The following ERBB4 variants were observed in gnomAD, a reference collection of about 807,000 sequenced individuals.
The protein encoded by ERBB4 is receptor tyrosine-protein kinase erbB-4.
A neutral mutation model predicts 158.0 loss-of-function variants in ERBB4; 42 were observed. The ratio of observed to expected loss-of-function variants is 0.27; its 90% confidence interval spans 0.21 to 0.34. The LOEUF (loss-of-function observed/expected upper bound fraction) is 0.34, where lower values mean the gene tolerates loss of function less well. ERBB4 is among the 10% of genes least tolerant of loss of function. The pLI is 1.00. For synonymous variants in ERBB4, 583 were observed against 558.7 expected (o/e 1.04, Z -0.61); for missense variants, 1,333 against 1,624.1 (o/e 0.82, Z 3.08).
chr2:211,914,267 T>C (rs1430924044), intron 3 of ERBB4, among the ~76,000 whole-genome samples: 1 of 140,122 alleles, frequency 7.1e-6, no homozygotes, highest in Non-Finnish European at 1.5e-5. Flanking sequence ...TTTTTTTTTT[T>C]CAAACAAACA....
chr2:212,115,440 G>A (rs2079543868), intron 2 of ERBB4, among the ~76,000 whole-genome samples: 1 of 152,090 alleles, frequency 6.6e-6, no homozygotes, highest in Non-Finnish European at 1.5e-5. Flanking sequence ...AAAAGGTATT[G>A]ATTATATTCC....
At chr2:211,926,651 T>TAA (rs1195897000) in intron 3 of ERBB4, among the ~76,000 whole-genome samples, 1 of 152,160 alleles carries the variant, frequency 6.6e-6, no homozygotes, top group Non-Finnish European at 1.5e-5. Flanking sequence ...ACCAAACCCC[T>TAA]AAAAATGAAG....
At chr2:211,424,406 C>A in intron 22 of ERBB4, 105 bp from the exon 23 acceptor site, 1 of 729,910 alleles carries the variant, frequency 1.4e-6, no homozygotes, top group Non-Finnish European at 2.3e-6. Context: ...TCAATCCAAA[C>A]ACCAATCAAT....
At chr2:211,639,043 C>T (rs1046990037) in intron 16 of ERBB4, among the ~76,000 whole-genome samples, 2 of 152,094 alleles carry the variant, frequency 1.3e-5, no homozygotes, top group African/African-American at 4.8e-5. Context: ...CGAATTACGC[C>T]AGGAAGAACT....
intron 7 of ERBB4, among the ~76,000 whole-genome samples, chr2:211,716,580 G>A (rs1434487587): frequency 6.6e-6 from 1 of 151,966 alleles, no homozygotes; most frequent in Non-Finnish European, 1.5e-5. Flanking sequence ...GGAGGCTGAG[G>A]CAGGAGAATG....
intron 2 of ERBB4, among the ~76,000 whole-genome samples, chr2:212,049,933 A>C (rs1208358915): frequency 6.6e-6 from 1 of 152,196 alleles, no homozygotes; most frequent in Admixed American, 6.5e-5. Flanking sequence ...CCATCAATAG[A>C]AAATACGTGT....
intron 20 of ERBB4, among the ~76,000 whole-genome samples, chr2:211,524,430 T>G (rs527237111): frequency 0.092 from 13,305 of 145,058 alleles, 1,325 homozygotes; most frequent in African/African-American, 0.2. Context: ...GAGCAGGGGG[T>G]GGTGCTCGTC....
chr2:211,944,179 A>AC lies in ERBB4; in HGVS notation c.421+3250_421+3251insG, dbSNP rs1559154523. On this transcript the variant is annotated intron_variant, in intron 3 of 27. Transcript: ENST00000342788. ...TATATATACACTATATATATATACT[A>AC]TATATATATATATATATATACTATA... is the stretch of plus-strand genomic sequence containing the variant. 1.5e-3 allele frequency among the ~76,000 whole-genome samples: 8 copies of AC among 5,406 alleles called. No homozygotes were observed. The South Asian group carries it at 0.025, about 17-fold the overall frequency. 3.5% of individuals were successfully genotyped at this position (5,406 alleles called of 152,430 possible).
chr2:211,647,797 A>C (rs1385907265), intron 16 of ERBB4, among the ~76,000 whole-genome samples: 1 of 151,750 alleles, frequency 6.6e-6, no homozygotes, highest in Non-Finnish European at 1.5e-5. Context: ...CAAACGATTA[A>C]GTTAGAAGGT....
At chr2:211,604,493 T>C (rs2068911656) in intron 19 of ERBB4, among the ~76,000 whole-genome samples, 1 of 152,166 alleles carries the variant, frequency 6.6e-6, no homozygotes, top group Admixed American at 6.5e-5. Context: ...CCTGAATACT[T>C]TATGCTCGAC....
In ERBB4 at chr2:211,383,524, C is replaced by T. The variant is rs1574501832; in HGVS notation, c.*91G>A. The T allele has an allele frequency of 1.9e-6, 2 of 1,063,382 alleles. No homozygotes were observed. The highest frequency in any genetic ancestry group is 1.3e-5 in the South Asian group (1 of 77,098). The allele number at this position is 1,063,382 out of a possible 1,614,324, so 65.9% of individuals were successfully genotyped here. A position where few individuals can be genotyped will look rare whatever the true frequency, so the allele number is the denominator to read the frequency against. On this transcript the variant is annotated 3_prime_UTR_variant, in exon 28 of 28. Transcript: ENST00000342788. ...ACTGGGAAGTGTCAAAACTACTGGC[C>T]TTGGGGTAGAAGGAAGACCACCAGA...
In ERBB4 at chr2:211,380,991, GACTCGATGCAGATTTAT is replaced by G. The variant is rs1409416077; in HGVS notation, c.*2607_*2623del. ...TAGTATCCAAAAAGAGGGCTGTGAT[GACTCGATGCAGATTTAT>G]TTAGAAAGGGAGGCTTATATTCAAT... On this transcript the variant is annotated 3_prime_UTR_variant, in exon 28 of 28. Coordinates refer to ENST00000342788, the MANE Select transcript of ERBB4 (RefSeq NM_005235.3). The G allele has an allele frequency of 1.7e-5, 4 of 232,228 alleles. No homozygotes were observed. Among genetic ancestry groups the G allele is most frequent in the Non-Finnish European group, 2.6e-5 (3 of 117,558 alleles). The allele number at this position is 232,228 out of a possible 1,614,324, so 14.4% of individuals were successfully genotyped here.
At chr2:212,369,592 C>G (rs1487228312) in intron 1 of ERBB4, among the ~76,000 whole-genome samples, 1 of 151,800 alleles carries the variant, frequency 6.6e-6, no homozygotes, top group Non-Finnish European at 1.5e-5. Context: ...GTTTTAATGC[C>G]TGTATATTAT....
At chr2:212,239,899 G>A (rs1949653) in intron 1 of ERBB4, among the ~76,000 whole-genome samples, 58,488 of 151,962 alleles carry the variant, frequency 0.38, 13,166 homozygotes, top group East Asian at 0.74. Flanking sequence ...AAGTTAAATC[G>A]AAAATATTGT....
At chr2:212,018,915 A>G (rs1489811680) in intron 2 of ERBB4, among the ~76,000 whole-genome samples, 1 of 152,154 alleles carries the variant, frequency 6.6e-6, no homozygotes, top group African/African-American at 2.4e-5. Context: ...AAGCAACAAG[A>G]AATAGTTCAA....
At chr2:212,435,817 T>A (rs560473346) in intron 1 of ERBB4, among the ~76,000 whole-genome samples, 146 of 152,078 alleles carry the variant, frequency 9.6e-4, no homozygotes, top group African/African-American at 3.5e-3. Flanking sequence ...CAGGGTTCTC[T>A]GACCCCAAAG....
intron 2 of ERBB4, among the ~76,000 whole-genome samples, chr2:212,114,386 A>T (rs2079511652): frequency 6.6e-6 from 1 of 152,220 alleles, no homozygotes; most frequent in South Asian, 2.1e-4. Context: ...GAAAGAGCTG[A>T]ATACCAAAAG....
chr2:211,830,864 C>T (rs2077203445), intron 3 of ERBB4, among the ~76,000 whole-genome samples: 2 of 151,762 alleles, frequency 1.3e-5, no homozygotes, highest in Non-Finnish European at 2.9e-5. Context: ...TATAAGACAG[C>T]ACATTTAACA....
intron 1 of ERBB4, among the ~76,000 whole-genome samples, chr2:212,185,231 A>C (rs2081984784): frequency 6.6e-6 from 1 of 151,912 alleles, no homozygotes; most frequent in African/African-American, 2.4e-5. Flanking sequence ...CATGTTGACC[A>C]GGCTGGTCTC....
Sources: allele counts gnomAD v4.1 joint callset (sites outside exome capture counted in the v4.1 genomes callset), GRCh38; gene constraint gnomAD v4.1.1; transcripts MANE v1.5; gene names NCBI Gene and HGNC (gene_info 2026-07-23, HGNC 2026-07-21).